The following DIS3L2 variants were observed in gnomAD, a reference collection of about 807,000 sequenced individuals.
DIS3L2 encodes DIS3-like exonuclease 2.
Under a neutral mutation model 97.5 loss-of-function variants are expected in DIS3L2, and 34 were observed. That is an observed-to-expected ratio of 0.35 (90% CI 0.27 to 0.46). The LOEUF is 0.46. DIS3L2 is among the 20% of genes least tolerant of loss of function. The pLI is 1.00. For synonymous variants in DIS3L2, 435 were observed against 445.2 expected (o/e 0.98, Z 0.29); for missense variants, 1,038 against 1,146.0 (o/e 0.91, Z 1.36).
chr2:232,336,392 T>C (rs1695948841), intron 20 of DIS3L2, 77 bp from the exon 21 acceptor site: 2 of 1,553,168 alleles, frequency 1.3e-6, no homozygotes, highest in South Asian at 2.4e-5. Context: ...GGGGTCCTGC[T>C]GCAGGGATGG....
chr2:232,098,963 G>A (rs1331357961), intron 6 of DIS3L2, among the ~76,000 whole-genome samples: 1 of 151,860 alleles, frequency 6.6e-6, no homozygotes, highest in African/African-American at 2.4e-5. Flanking sequence ...ATTCTCCCTT[G>A]TAATCTTTTA....
At chr2:232,140,523 G>C (rs1394334118) in intron 8 of DIS3L2, among the ~76,000 whole-genome samples, 1 of 152,192 alleles carries the variant, frequency 6.6e-6, no homozygotes, top group Admixed American at 6.5e-5. Context: ...AAGGTTCTAT[G>C]ACTTCAAAGT....
In DIS3L2 at chr2:232,136,499, T is replaced by A; in HGVS notation, c.730T>A (p.Ser244Thr). ...KVVYILEKKH[S>T]RAATGFLKLL... is the part of the protein sequence containing the mutation. ...GGTTTACATCTTGGAGAAAAAACATTCTCGAGCAGCAACCGGCTTCCTCAA... is the reference window on the plus strand; with the variant it reads ...GGTTTACATCTTGGAGAAAAAACATACTCGAGCAGCAACCGGCTTCCTCAA... Residue 244 changes from serine (S) to threonine (T), a missense_variant, in exon 8 of 21, where the codon TCT (serine) becomes ACT (threonine). By Grantham distance (58) the Ser-to-Thr change is moderately conservative. Around this residue, in one of 3 missense-constraint regions of DIS3L2, gnomAD observed 813 missense variants for 880.1 expected, o/e 0.92. Transcript: ENST00000325385. The A allele has an allele frequency of 6.2e-7, 1 of 1,613,998 alleles. No homozygotes were observed. The highest frequency in any genetic ancestry group is 8.5e-7 in the Non-Finnish European group (1 of 1,179,930).
chr2:232,122,010 T>A (rs1377001579), intron 6 of DIS3L2, among the ~76,000 whole-genome samples: 2 of 152,230 alleles, frequency 1.3e-5, no homozygotes, highest in Non-Finnish European at 1.5e-5. Flanking sequence ...ATCTGTTCCC[T>A]GTTCAGAAAC....
At chr2:232,333,311 TCCTCCTCCC>T (rs1695825473) in intron 16 of DIS3L2, among the ~76,000 whole-genome samples, 3 of 142,502 alleles carry the variant, frequency 2.1e-5, no homozygotes, top group Non-Finnish European at 4.6e-5. Context: ...CACCTCCTCC[TCCTCCTCCC>T]CCACCCCCCG....
chr2:232,221,950 C>CTT (rs1463280106), intron 10 of DIS3L2, among the ~76,000 whole-genome samples: 3 of 148,120 alleles, frequency 2.0e-5, no homozygotes, highest in South Asian at 2.2e-4. Context: ...CATTTCTTTT[C>CTT]TTTTTTTTTT....
At chr2:232,045,670 CTT>C (rs35019734) in intron 5 of DIS3L2, among the ~76,000 whole-genome samples, 432 of 99,014 alleles carry the variant, frequency 4.4e-3, no homozygotes, top group South Asian at 6.2e-3. Context: ...AAAGGCCTCA[CTT>C]TTTTTTTTTT....
chr2:232,114,596 T>C (rs1169804875), intron 6 of DIS3L2, among the ~76,000 whole-genome samples: 2 of 152,134 alleles, frequency 1.3e-5, no homozygotes, highest in African/African-American at 2.4e-5. Flanking sequence ...GTTATACACG[T>C]GAATCTTGTC....
chr2:232,015,513 G>C lies in DIS3L2; in HGVS notation c.53-1G>C. On this transcript the variant is annotated splice_acceptor_variant, in intron 2 of 20. Coordinates refer to ENST00000325385, the MANE Select transcript of DIS3L2 (RefSeq NM_152383.5). LOFTEE classifies it high-confidence loss of function. ...AGTTGATTGCTGCCTCCTGTTTCTA[G>C]GTGTGTCTGCTGTGGCTGGTCCACA... is the stretch of plus-strand genomic sequence containing the variant. The C allele has an allele frequency of 6.2e-7, 1 of 1,613,562 alleles. No homozygotes were observed. Among genetic ancestry groups the C allele is most frequent in the Non-Finnish European group, 8.5e-7 (1 of 1,179,724 alleles).
chr2:232,293,898 T>C lies in DIS3L2; in HGVS notation c.1660-6142T>C, dbSNP rs1694661391. 1.3e-5 allele frequency among the ~76,000 whole-genome samples: 2 copies of C among 151,874 alleles called. No individual in the cohort carries two copies. Among genetic ancestry groups the C allele is most frequent in the Admixed American group, 1.3e-4 (2 of 15,266 alleles). ...GATTAGGAGAACATAGCCAAGGGAG[T>C]AGGAAGATACATTGTGTGTCAGTGT... On this transcript the variant is annotated intron_variant, in intron 13 of 20. Transcript: ENST00000325385. This position sits in a 1 kb window ranked among gnomAD's most constrained non-coding sequence, Gnocchi z 4.6.
intron 1 of DIS3L2, among the ~76,000 whole-genome samples, chr2:231,991,001 G>A (rs1693570090): frequency 6.6e-6 from 1 of 151,914 alleles, no homozygotes; most frequent in South Asian, 2.1e-4. Flanking sequence ...TGCCTCCCGG[G>A]CTCAAGTGAT....
At chr2:232,039,762 A>G (rs1023706820) in intron 5 of DIS3L2, among the ~76,000 whole-genome samples, 2 of 152,164 alleles carry the variant, frequency 1.3e-5, no homozygotes, top group Non-Finnish European at 2.9e-5. Context: ...GACTGGTTTG[A>G]GGACTGAGAG....
rs894331679 is a variant in DIS3L2 at position 232,276,475 on chromosome 2, G to A, written c.1659+13035G>A. 6.7e-6 allele frequency among the ~76,000 whole-genome samples: 1 copy of A among 149,848 alleles called. No homozygotes were observed. Among genetic ancestry groups the A allele is most frequent in the African/African-American group, 2.4e-5 (1 of 41,298 alleles). On this transcript the variant is annotated intron_variant, in intron 13 of 20. Coordinates refer to ENST00000325385, the MANE Select transcript of DIS3L2 (RefSeq NM_152383.5). The surrounding 1 kb of genome is among the most constrained non-coding windows in gnomAD (Gnocchi z 4.4). ...CCTGGCTGCCTAGTTTCCTGGCTGGGATTCCTGACCCCTGGTTGCCAAGAC... is the reference window on the plus strand; with the variant it reads ...CCTGGCTGCCTAGTTTCCTGGCTGGAATTCCTGACCCCTGGTTGCCAAGAC...
At chr2:232,196,907 T>C (rs1329599489) in intron 9 of DIS3L2, among the ~76,000 whole-genome samples, 2 of 152,060 alleles carry the variant, frequency 1.3e-5, no homozygotes, top group Non-Finnish European at 2.9e-5. Flanking sequence ...ACAACTGTTT[T>C]CAGATCTGAA....
At chr2:231,993,983 T>C (rs574033537) in intron 1 of DIS3L2, among the ~76,000 whole-genome samples, 1 of 152,192 alleles carries the variant, frequency 6.6e-6, no homozygotes, top group East Asian at 1.9e-4. Flanking sequence ...TCTTATGTTC[T>C]CCTCTAAGAG....
At chr2:232,252,979 A>C (rs1252582096) in intron 12 of DIS3L2, among the ~76,000 whole-genome samples, 3 of 152,320 alleles carry the variant, frequency 2.0e-5, no homozygotes, top group South Asian at 4.1e-4. Context: ...GAGCTCTCTC[A>C]TCTCCCCAAA....
chr2:232,205,908 C>T (rs1178376637), intron 9 of DIS3L2, among the ~76,000 whole-genome samples: 1 of 152,202 alleles, frequency 6.6e-6, no homozygotes, highest in Non-Finnish European at 1.5e-5. Flanking sequence ...ACTGCATCAA[C>T]TTCCCCCATA....
chr2:232,082,828 C>T (rs776351687), intron 5 of DIS3L2, among the ~76,000 whole-genome samples: 11 of 152,142 alleles, frequency 7.2e-5, no homozygotes, highest in Non-Finnish European at 1.2e-4. Flanking sequence ...CTGTATTAGT[C>T]CATTTTCATA....
In DIS3L2 at chr2:232,130,509, G is replaced by C. The variant is rs188984456; in HGVS notation, c.602-110G>C. On this transcript the variant is annotated intron_variant, in intron 6 of 20. Coordinates refer to ENST00000325385, the MANE Select transcript of DIS3L2 (RefSeq NM_152383.5). ...CTGGGGTTCTTCTGTAAAGTGAGTA[G>C]TTTGGGGTAACTGGTATCCAGGCAT... 4.4e-4 allele frequency: 586 copies of C among 1,329,384 alleles called. 5 individuals are homozygous for C. The African/African-American group carries it at 7.8e-3, about 18-fold the overall frequency. 82.3% of individuals were successfully genotyped at this position (1,329,384 alleles called of 1,614,324 possible). A position where few individuals can be genotyped will look rare whatever the true frequency, so the allele number is the denominator to read the frequency against.
Sources: allele counts gnomAD v4.1 joint callset (sites outside exome capture counted in the v4.1 genomes callset), GRCh38; gene constraint gnomAD v4.1.1; regional missense constraint gnomAD v4.1.1; non-coding constraint Gnocchi (gnomAD v3.1); transcripts MANE v1.5; gene names NCBI Gene and HGNC (gene_info 2026-07-23, HGNC 2026-07-21).